SCN1A: variants seen among roughly 807,000 people sequenced by gnomAD.
SCN1A encodes sodium voltage-gated channel alpha subunit 1, also known as sodium channel protein type 1 subunit alpha.
In SCN1A, 13 loss-of-function variants were observed where a neutral mutation model predicts 193.7. That is an observed-to-expected ratio of 0.07 (90% CI 0.04 to 0.11). The LOEUF is 0.11. SCN1A is among the 10% of genes least tolerant of loss of function. The pLI, the probability that SCN1A is intolerant of heterozygous loss-of-function variation, is 1.00. For synonymous variants in SCN1A, 781 were observed against 843.6 expected (o/e 0.93, Z 1.29); for missense variants, 1,432 against 2,451.1 (o/e 0.58, Z 8.78).
At chr2:166,086,202 C>T (rs1294616019) in intron 2 of SCN1A, among the ~76,000 whole-genome samples, 1 of 152,054 alleles carries the variant, frequency 6.6e-6, no homozygotes, top group Non-Finnish European at 1.5e-5. Context: ...GGCTTTCTTC[C>T]CTAAGGGCTA....
rs980156920 is a variant in SCN1A, at chr2:166,041,406, A to G, written c.2240T>C (p.Ile747Thr). ...CWYKFSNIFL[I>T]WDCSPYWLKV... ...TAACCAATATGGAGAACAGTCCCAG[A>G]TTAAGAATATGTTGGAAAATTTATA... The change falls in exon 16 of 29, where the codon ATC (isoleucine) becomes ACC (threonine). Residue 747 changes from isoleucine (I) to threonine (T), a missense_variant. By Grantham distance (89) the Ile-to-Thr change is moderately conservative (BLOSUM62 -1). Transcript: ENST00000674923. 1.9e-6 allele frequency: 3 copies of G among 1,613,462 alleles called. No homozygotes were observed. Among genetic ancestry groups the G allele is most frequent in the Non-Finnish European group, 2.5e-6 (3 of 1,179,854 alleles).
chr2:166,097,034 T>G (rs912890721), intron 2 of SCN1A, among the ~76,000 whole-genome samples: 1 of 151,564 alleles, frequency 6.6e-6, no homozygotes, highest in African/African-American at 2.4e-5. Flanking sequence ...TGTTTTTGTG[T>G]TTTTGGAGAC....
Position 165,987,452 on chromosome 2 carries a change from CAATT to C in SCN1A, c.*3789_*3792del, listed in dbSNP as rs1025257745. ...ACTCATTGATGATTCTTGTATGAAT[CAATT>C]GTCATTAGGGTGATTGCCAAATAGT... On this transcript the variant is annotated 3_prime_UTR_variant, in exon 29 of 29. Transcript: ENST00000674923. 8 of 152,126 alleles carry C rather than the reference CAATT, an allele frequency of 5.3e-5. No individual in the cohort carries two copies. Among genetic ancestry groups the C allele is most frequent in the African/African-American group, 1.9e-4 (8 of 41,450 alleles). The allele number at this position is 152,126 out of a possible 1,614,324, so 9.4% of individuals were successfully genotyped here.
At chr2:166,099,101 T>A (rs775766497) in intron 2 of SCN1A, among the ~76,000 whole-genome samples, 1 of 152,144 alleles carries the variant, frequency 6.6e-6, no homozygotes, top group African/African-American at 2.4e-5. Flanking sequence ...ACCACCCAAC[T>A]ATAATACAAG....
At chr2:166,012,379 A>C (rs1479418245) in intron 21 of SCN1A, 97 bp from the exon 22 acceptor site, 2 of 945,828 alleles carry the variant, frequency 2.1e-6, no homozygotes, top group African/African-American at 1.7e-5. Flanking sequence ...ATTTCATTGG[A>C]ATAGGAGGGC....
At chr2:166,084,829 G>C (rs1346715962) in intron 2 of SCN1A, among the ~76,000 whole-genome samples, 2 of 152,108 alleles carry the variant, frequency 1.3e-5, no homozygotes, top group Non-Finnish European at 2.9e-5. Flanking sequence ...GGAAGTCTGA[G>C]GTAAGAAATC....
intron 19 of SCN1A, among the ~76,000 whole-genome samples, chr2:166,018,845 C>T (rs929942941): frequency 3.9e-5 from 6 of 151,976 alleles, no homozygotes; most frequent in Admixed American, 1.3e-4. Context: ...CATGAGCAAG[C>T]GCTTGTAAGT....
intron 3 of SCN1A, among the ~76,000 whole-genome samples, chr2:166,075,836 T>C (rs373724534): frequency 2.0e-5 from 3 of 152,026 alleles, no homozygotes; most frequent in South Asian, 2.1e-4. Flanking sequence ...TATGTTATCA[T>C]ATTTTTGATA....
chr2:166,050,211 A>G (rs533775691), intron 9 of SCN1A, among the ~76,000 whole-genome samples: 13 of 152,042 alleles, frequency 8.6e-5, no homozygotes, highest in Admixed American at 7.9e-4. Context: ...AAATTCAATG[A>G]TCTAACCTTA....
chr2:166,135,552 G>A (rs946945626), intron 1 of SCN1A, among the ~76,000 whole-genome samples: 1 of 152,134 alleles, frequency 6.6e-6, no homozygotes, highest in African/African-American at 2.4e-5. Context: ...TGACACATCT[G>A]TATGCAGTTC....
intron 1 of SCN1A, among the ~76,000 whole-genome samples, chr2:166,134,702 A>C (rs751134149): frequency 2.6e-5 from 4 of 152,188 alleles, no homozygotes; most frequent in Non-Finnish European, 5.9e-5. Context: ...CTTTCTTTGA[A>C]ATGCCAAGAT....
chr2:166,091,223 C>T (rs997965357), intron 2 of SCN1A, among the ~76,000 whole-genome samples: 15 of 152,194 alleles, frequency 9.9e-5, no homozygotes, highest in African/African-American at 3.1e-4. Context: ...TGCTTGCTGT[C>T]GGCTGAGACA....
chr2:166,009,936 TATTC>T lies in SCN1A; in HGVS notation c.3880-99_3880-96del. 1.0e-5 allele frequency: 12 copies of T among 1,186,800 alleles called. No individual in the cohort carries two copies. In the South Asian group the frequency reaches 1.5e-4, roughly 15 times the overall value. The allele number at this position is 1,186,800 out of a possible 1,614,324, so 73.5% of individuals were successfully genotyped here. A position where few individuals can be genotyped will look rare whatever the true frequency, so the allele number is the denominator to read the frequency against. Reference sequence around the variant, plus strand: ...AACAAGTATAATTTTTGCTTATAATTATTCAGAGGATAAATGTTCAGACATTTTC... The same window carrying T: ...AACAAGTATAATTTTTGCTTATAATTAGAGGATAAATGTTCAGACATTTTC... On this transcript the variant is annotated intron_variant, in intron 22 of 28. Coordinates refer to ENST00000674923, the MANE Select transcript of SCN1A (RefSeq NM_001165963.4).
chr2:166,073,234 T>C (rs1467948871), intron 4 of SCN1A, 124 bp downstream of exon 4: 1 of 1,182,314 alleles, frequency 8.5e-7, no homozygotes, highest in African/African-American at 1.5e-5. Flanking sequence ...CACAAATGTG[T>C]TTCATTTCTT....
chr2:166,107,784 G>C (rs1371289741), intron 2 of SCN1A, among the ~76,000 whole-genome samples: 3 of 152,046 alleles, frequency 2.0e-5, no homozygotes, highest in Non-Finnish European at 4.4e-5. Context: ...TGAAACTGTG[G>C]ATAACAATGT....
intron 24 of SCN1A, among the ~76,000 whole-genome samples, chr2:166,000,425 A>G (rs986236414): frequency 6.6e-6 from 1 of 151,754 alleles, no homozygotes; most frequent in African/African-American, 2.4e-5. Context: ...GAACAATAGT[A>G]CAGCAGACAC....
chr2:166,054,568 T>C, intron 7 of SCN1A, 70 bp downstream of exon 7: 1 of 1,506,342 alleles, frequency 6.6e-7, no homozygotes, highest in Non-Finnish European at 9.2e-7. Flanking sequence ...GCAAACCTAT[T>C]CTTAAAAGCA....
At chr2:166,117,494 A>G (rs978947986) in intron 2 of SCN1A, among the ~76,000 whole-genome samples, 5 of 152,228 alleles carry the variant, frequency 3.3e-5, no homozygotes, top group African/African-American at 1.2e-4. Flanking sequence ...TGAAGAATAC[A>G]ATGACAGTAT....
chr2:166,032,680 A>G (rs1304419467), intron 19 of SCN1A, among the ~76,000 whole-genome samples: 1 of 152,150 alleles, frequency 6.6e-6, no homozygotes, highest in Non-Finnish European at 1.5e-5. Flanking sequence ...ATTGAAATGT[A>G]TCATTAGGGG....
Sources: gnomAD v4.1 joint callset for allele counts (sites outside exome capture counted in the v4.1 genomes callset) on GRCh38, gnomAD v4.1.1 for gene constraint, MANE v1.5 for transcripts, NCBI Gene and HGNC (gene_info 2026-07-23, HGNC 2026-07-21) for gene names.